Variants in DSC3 observed in about 807,000 individuals in gnomAD.
DSC3 encodes desmocollin-3.
DSC3 carries 97 observed loss-of-function variants against 89.5 expected under a neutral mutation model. That is an observed-to-expected ratio of 1.08 (90% CI 0.92 to 1.28). The LOEUF (loss-of-function observed/expected upper bound fraction) is 1.28. DSC3 is among the 50% of genes most tolerant of loss of function. The probability of loss-of-function intolerance (pLI) is 0.00; values close to 1 mark genes in which losing one functional copy is unlikely to be tolerated. For missense variants in DSC3, 1,199 were observed against 1,085.3 expected (o/e 1.10, Z -1.47); for synonymous variants, 436 against 384.1 (o/e 1.14, Z -1.58).
chr18:31,040,699 GAACA>G (rs1302574838), intron 1 of DSC3, among the ~76,000 whole-genome samples: 1 of 151,932 alleles, frequency 6.6e-6, no homozygotes, highest in Non-Finnish European at 1.5e-5. Context: ...TGTCTCCTTA[GAACA>G]AACAATGTTT....
intron 1 of DSC3, among the ~76,000 whole-genome samples, chr18:31,036,498 A>C (rs1000373634): frequency 6.6e-6 from 1 of 151,952 alleles, no homozygotes; most frequent in African/African-American, 2.4e-5. Flanking sequence ...TTCATTTGAC[A>C]CATCTTTATT....
At chr18:31,033,887 G>A (rs549851106) in intron 1 of DSC3, among the ~76,000 whole-genome samples, 4 of 152,124 alleles carry the variant, frequency 2.6e-5, no homozygotes, top group African/African-American at 9.7e-5. Flanking sequence ...GCAGTGGCAC[G>A]ATCTAGGCTC....
At chr18:31,032,141 A>T in intron 2 of DSC3, 51 bp downstream of exon 2, 1 of 1,301,890 alleles carries the variant, frequency 7.7e-7, no homozygotes. Flanking sequence ...TGCTCTTTCC[A>T]GCCTATGTAA....
intron 1 of DSC3, among the ~76,000 whole-genome samples, chr18:31,040,208 G>C (rs1399454956): frequency 6.6e-6 from 1 of 152,032 alleles, no homozygotes; most frequent in Non-Finnish European, 1.5e-5. Flanking sequence ...CTTTAGAAGA[G>C]GAGCCCTTTT....
intron 1 of DSC3, among the ~76,000 whole-genome samples, chr18:31,034,082 C>G (rs1392599580): frequency 6.6e-6 from 1 of 152,164 alleles, no homozygotes; most frequent in Non-Finnish European, 1.5e-5. Flanking sequence ...GCCTCGGCCT[C>G]CCAAAGTGCT....
intron 15 of DSC3, 38 bp downstream of exon 15, chr18:30,996,753 G>A (rs760091902): frequency 2.5e-6 from 4 of 1,609,902 alleles, no homozygotes; most frequent in African/African-American, 2.7e-5. Flanking sequence ...CCATTCGGAG[G>A]TTTAAATTTT....
At chr18:30,995,470 T>C (rs1217103262) in intron 15 of DSC3, among the ~76,000 whole-genome samples, 2 of 152,322 alleles carry the variant, frequency 1.3e-5, no homozygotes, top group African/African-American at 2.4e-5. Context: ...AGGTCTACTG[T>C]TTGTCCTGCA....
Position 31,025,883 on chromosome 18 carries a change from G to A in DSC3, c.507C>T (p.Val169=). ...CTCCACGTCCACTTATTGAGTAGAA[G>A]ACAGTATAGTTCTGTGCTGCATCAG... is the stretch of plus-strand genomic sequence containing the variant. ...VESDAAQNYT[V]FYSISGRGVD... The change falls in exon 5 of 16, where the codon GTC becomes GTT. Residue 169 remains valine (V), a synonymous_variant. Transcript: ENST00000360428. 1.2e-6 allele frequency: 2 copies of A among 1,612,928 alleles called. No individual in the cohort carries two copies. The highest frequency in any genetic ancestry group is 1.7e-6 in the Non-Finnish European group (2 of 1,179,244).
intron 14 of DSC3, 74 bp from the exon 15 acceptor site, chr18:30,997,122 G>A: frequency 6.5e-7 from 1 of 1,547,618 alleles, no homozygotes; most frequent in South Asian, 1.1e-5. Flanking sequence ...GCAAAGGAGA[G>A]AGAATATTTG....
rs1236957752 is a variant in DSC3, at chr18:31,038,959, ATT to A, written c.69+3631_69+3632del. Reference sequence around the variant, plus strand: ...TCTTGAAACTATGAAGTCATTTGATATTATGTTTTTGTGAGGTTTGGATGCCT... The same window carrying A: ...TCTTGAAACTATGAAGTCATTTGATAATGTTTTTGTGAGGTTTGGATGCCT... On this transcript the variant is annotated intron_variant, in intron 1 of 15. Transcript: ENST00000360428. Among the ~76,000 whole-genome samples, 13 of 152,202 alleles carry A rather than the reference ATT, an allele frequency of 8.5e-5. No homozygotes were observed. In the East Asian group the frequency reaches 2.5e-3, roughly 29 times the overall value.
intron 1 of DSC3, among the ~76,000 whole-genome samples, chr18:31,034,091 C>T (rs1319281704): frequency 6.6e-6 from 1 of 152,180 alleles, no homozygotes; most frequent in Non-Finnish European, 1.5e-5. Flanking sequence ...TCCCAAAGTG[C>T]TGGGATTACA....
At chr18:31,006,296 T>TATTATTATTA (rs1402454266) in intron 12 of DSC3, among the ~76,000 whole-genome samples, 5 of 151,410 alleles carry the variant, frequency 3.3e-5, no homozygotes, top group African/African-American at 1.2e-4. Context: ...TCGCTGGTAT[T>TATTATTATTA]ATTATTATTA....
chr18:31,016,621 G>A (rs1985245416), intron 9 of DSC3, among the ~76,000 whole-genome samples: 1 of 152,090 alleles, frequency 6.6e-6, no homozygotes, highest in South Asian at 2.1e-4. Flanking sequence ...CAAAGATTTG[G>A]CTCTTCAGAT....
chr18:31,004,244 A>C lies in DSC3; in HGVS notation c.2011T>G (p.Cys671Gly), dbSNP rs1326930444. 6.2e-7 allele frequency: 1 copy of C among 1,614,034 alleles called. No homozygotes were observed. Among genetic ancestry groups the C allele is most frequent in the Admixed American group, 1.7e-5 (1 of 60,004 alleles). Residue 671 changes from cysteine (C) to glycine (G), a missense_variant, in exon 13 of 16, where the codon TGT becomes GGT. Physicochemically the swap from Cys to Gly is radical, Grantham distance 159. Coordinates refer to ENST00000360428, the MANE Select transcript of DSC3 (RefSeq NM_001941.5). The stretch of plus-strand genomic sequence containing the variant: ...GCACGACACTGAGTTGGATGAGTAC[A>C]TTCACACAGATTAACTCTCAATAAT... ...TKLLRVNLCE[C>G]THPTQCRATS...
At chr18:31,008,611 C>A in intron 9 of DSC3, 86 bp from the exon 10 acceptor site, 1 of 1,520,056 alleles carries the variant, frequency 6.6e-7, no homozygotes, top group Non-Finnish European at 9.0e-7. Flanking sequence ...TCATCCTGAC[C>A]AGTGCTGCAT....
intron 7 of DSC3, among the ~76,000 whole-genome samples, chr18:31,020,671 C>T (rs896447367): frequency 2.6e-5 from 4 of 151,974 alleles, no homozygotes; most frequent in Non-Finnish European, 4.4e-5. Flanking sequence ...AGTCAGGTGC[C>T]ATGGCTCATG....
At chr18:31,001,966 C>A (rs1293672083) in intron 13 of DSC3, among the ~76,000 whole-genome samples, 1 of 152,042 alleles carries the variant, frequency 6.6e-6, no homozygotes, top group African/African-American at 2.4e-5. Context: ...TAATTGAATT[C>A]TGCCCATCAA....
chr18:31,042,322 A>G (rs986509233), intron 1 of DSC3, among the ~76,000 whole-genome samples: 2 of 152,232 alleles, frequency 1.3e-5, no homozygotes, highest in Non-Finnish European at 2.9e-5. Flanking sequence ...GGCGCCCGCC[A>G]GAGCGCAGCG....
At chr18:31,013,948 A>G (rs1985151983) in intron 9 of DSC3, among the ~76,000 whole-genome samples, 1 of 152,182 alleles carries the variant, frequency 6.6e-6, no homozygotes. Flanking sequence ...TTTTGAAATA[A>G]TAAAAAAATT....
Sources: allele counts gnomAD v4.1 joint callset (sites outside exome capture counted in the v4.1 genomes callset), GRCh38; gene constraint gnomAD v4.1.1; transcripts MANE v1.5; gene names NCBI Gene and HGNC (gene_info 2026-07-23, HGNC 2026-07-21).